The following FRMD6 variants were observed in gnomAD, a reference collection of about 807,000 sequenced individuals.
FRMD6 encodes FERM domain-containing protein 6.
A neutral mutation model predicts 73.2 loss-of-function variants in FRMD6; 37 were observed. The observed-to-expected ratio is 0.51, with a 90% CI of 0.39 to 0.66. The LOEUF (loss-of-function observed/expected upper bound fraction) is 0.66, where lower values mean the gene tolerates loss of function less well. FRMD6 is among the 30% of genes least tolerant of loss of function. The pLI, the probability that FRMD6 is intolerant of heterozygous loss-of-function variation, is 0.00. For missense variants in FRMD6, 714 were observed against 780.5 expected, an observed-to-expected ratio of 0.91 and a Z score of 1.02; for synonymous variants, 273 against 282.2, an observed-to-expected ratio of 0.97 and a Z score of 0.33.
chr14:51,628,228 C>T (rs1235787306), intron 2 of FRMD6, among the ~76,000 whole-genome samples: 2 of 152,122 alleles, frequency 1.3e-5, no homozygotes, highest in Non-Finnish European at 2.9e-5. Flanking sequence ...ATGATATTCT[C>T]CAGTCTCTGA....
intron 2 of FRMD6, chr14:51,599,806 G>T (rs1172736648): frequency 6.6e-6 from 1 of 150,676 alleles, no homozygotes; most frequent in Non-Finnish European, 1.5e-5. Context: ...AAAATTCCTT[G>T]TTAAATGCTG....
At chr14:51,476,212 C>G in the FRMD6 span, among the ~76,000 whole-genome samples, 1 of 152,132 alleles carries the variant, frequency 6.6e-6, no homozygotes, top group Admixed American at 6.5e-5. Context: ...TGTGTTGCAT[C>G]TTAGAATGGA....
At chr14:51,407,395 AT>A in the FRMD6 span, among the ~76,000 whole-genome samples, 1 of 151,568 alleles carries the variant, frequency 6.6e-6, no homozygotes, top group Non-Finnish European at 1.5e-5. Flanking sequence ...AATTAGGATT[AT>A]TTTTTCTTGA....
In FRMD6 at chr14:51,619,361, G is replaced by A. The variant is rs372000299; in HGVS notation, c.-147+48951G>A. Among the ~76,000 whole-genome samples, 387 of 151,534 alleles carry A rather than the reference G, an allele frequency of 2.6e-3. 1 individual carries two copies. Among genetic ancestry groups the A allele is most frequent in the African/African-American group, 8.9e-3 (366 of 41,302 alleles). On this transcript the variant is annotated intron_variant, in intron 2 of 14. Transcript: ENST00000356218. ...ATAGCATAGCTGGGCTTTAAGGTAT[G>A]CAAGAGGAGGAGGATAAAGAAAAAA...
At chr14:51,712,574 A>G in intron 9 of FRMD6, 23 bp downstream of exon 9, 1 of 1,459,226 alleles carries the variant, frequency 6.9e-7, no homozygotes, top group African/African-American at 1.4e-5. Flanking sequence ...TAACTGGCTT[A>G]AAAGAAAAGT....
At chr14:51,481,123 G>T in the FRMD6 span, among the ~76,000 whole-genome samples, 3 of 152,294 alleles carry the variant, frequency 2.0e-5, no homozygotes. Flanking sequence ...ATCATTTCAT[G>T]AAAACAATGT....
At chr14:51,684,939 A>G (rs1189193336) in intron 1 of FRMD6, among the ~76,000 whole-genome samples, 6 of 152,170 alleles carry the variant, frequency 3.9e-5, no homozygotes, top group South Asian at 4.1e-4. Flanking sequence ...GAGTACTTAC[A>G]AGGAGTATTG....
At chr14:51,519,328 C>T (rs2140288835) in intron 1 of FRMD6, among the ~76,000 whole-genome samples, 1 of 152,052 alleles carries the variant, frequency 6.6e-6, no homozygotes, top group South Asian at 2.1e-4. Context: ...CCATACCCAG[C>T]TAATTTTGGT....
the FRMD6 span, among the ~76,000 whole-genome samples, chr14:51,438,668 A>T: frequency 6.6e-6 from 1 of 152,218 alleles, no homozygotes; most frequent in Admixed American, 6.5e-5. Context: ...TTGGTTTCTG[A>T]TAATATTCAC....
chr14:51,615,582 G>A (rs1375330628), intron 2 of FRMD6, among the ~76,000 whole-genome samples: 2 of 152,170 alleles, frequency 1.3e-5, no homozygotes, highest in East Asian at 3.9e-4. Context: ...TGCCCAAGAA[G>A]CTAGGTGGAA....
chr14:51,446,571 A>G, the FRMD6 span, among the ~76,000 whole-genome samples: 1 of 152,266 alleles, frequency 6.6e-6, no homozygotes, highest in Admixed American at 6.5e-5. Flanking sequence ...AAACCAGACA[A>G]TATGGTTGTC....
At chr14:51,712,732 C>T (rs922462065) in intron 9 of FRMD6, among the ~76,000 whole-genome samples, 181 bp downstream of exon 9, 7 of 152,114 alleles carry the variant, frequency 4.6e-5, no homozygotes, top group African/African-American at 7.2e-5. Context: ...GCTATAGATT[C>T]TTTGTCACAC....
the FRMD6 span, among the ~76,000 whole-genome samples, chr14:51,481,244 A>C: frequency 7.2e-5 from 11 of 152,342 alleles, no homozygotes; most frequent in East Asian, 1.9e-3. Flanking sequence ...AGACTGGATA[A>C]TTTATTTAAA....
rs143710280 is a variant in FRMD6 at position 51,633,621 on chromosome 14, A to AAAAAAAAAAAG, written c.-146-56070_-146-56069insAAAAAAAAAAG. On this transcript the variant is annotated intron_variant, in intron 2 of 14. Coordinates refer to the FRMD6 transcript ENST00000356218. Reference sequence around the variant, plus strand: ...GTCAAAAAAAAAAAAAAAAAAAAAAAGAAATAATTATATGTCATAGTTTAA... The same window carrying AAAAAAAAAAAG: ...GTCAAAAAAAAAAAAAAAAAAAAAAAAAAAAAAAAAGGAAATAATTATATGTCATAGTTTAA... 9.1e-5 allele frequency among the ~76,000 whole-genome samples: 9 copies of AAAAAAAAAAAG among 99,366 alleles called. 1 individual carries two copies. The highest frequency in any genetic ancestry group is 1.6e-4 in the African/African-American group (4 of 24,924). The allele number at this position is 99,366 out of a possible 152,430, so 65.2% of individuals were successfully genotyped here.
chr14:51,419,097 G>C, the FRMD6 span, among the ~76,000 whole-genome samples: 1 of 152,180 alleles, frequency 6.6e-6, no homozygotes, highest in Non-Finnish European at 1.5e-5. Context: ...GGCTTCCCTT[G>C]GCTAGGAAAG....
At chr14:51,405,532 CTG>C in the FRMD6 span, among the ~76,000 whole-genome samples, 8 of 151,294 alleles carry the variant, frequency 5.3e-5, no homozygotes, top group Admixed American at 5.3e-4. Context: ...TGGTATCTCA[CTG>C]TGATTTTGAT....
intron 2 of FRMD6, among the ~76,000 whole-genome samples, chr14:51,697,101 A>C (rs192876611): frequency 6.6e-6 from 1 of 152,196 alleles, no homozygotes; most frequent in African/African-American, 2.4e-5. Context: ...GGAAAGCAGT[A>C]TGGGGGTTCC....
At chr14:51,707,710 A>G (rs1157540956) in intron 6 of FRMD6, among the ~76,000 whole-genome samples, 1 of 152,186 alleles carries the variant, frequency 6.6e-6, no homozygotes, top group African/African-American at 2.4e-5. Flanking sequence ...TGTGCCTACT[A>G]TAGATGTATT....
chr14:51,567,985 CTCG>C (rs1233032590), intron 1 of FRMD6, among the ~76,000 whole-genome samples: 2 of 152,206 alleles, frequency 1.3e-5, no homozygotes, highest in Admixed American at 6.5e-5. Flanking sequence ...AGTTTCGTGT[CTCG>C]AAGTTCCTGA....
Sources: allele counts gnomAD v4.1 joint callset (sites outside exome capture counted in the v4.1 genomes callset), GRCh38; gene constraint gnomAD v4.1.1; transcripts MANE v1.5; gene names NCBI Gene and HGNC (gene_info 2026-07-23, HGNC 2026-07-21).